The following LMO4 variants were observed in gnomAD, a reference collection of about 807,000 sequenced individuals.
LMO4 encodes the protein LIM domain transcription factor LMO4.
A neutral mutation model predicts 18.5 loss-of-function variants in LMO4; 3 were observed. The observed-to-expected ratio is 0.16, with a 90% CI of 0.07 to 0.42. The LOEUF is 0.42. Among genes scored for constraint, LMO4 ranks in the 10% least tolerant of loss-of-function variants. The pLI is 0.99. For missense variants in LMO4, 121 were observed against 219.9 expected, an observed-to-expected ratio of 0.55 and a Z score of 2.84; for synonymous variants, 100 against 88.1, an observed-to-expected ratio of 1.14 and a Z score of -0.76.
intron 4 of LMO4, among the ~76,000 whole-genome samples, chr1:87,342,943 GT>G (rs1311781419): frequency 2.6e-5 from 4 of 152,102 alleles, no homozygotes; most frequent in Non-Finnish European, 5.9e-5. Context: ...AAATGGCTTC[GT>G]TTTATTATTT....
At chr1:87,337,749 C>T (rs1048606586) in intron 2 of LMO4, among the ~76,000 whole-genome samples, 1 of 152,198 alleles carries the variant, frequency 6.6e-6, no homozygotes, top group Non-Finnish European at 1.5e-5. Context: ...CTCTGGCTAC[C>T]TTCCCCTTCT....
At position 87,346,270 on chromosome 1, in the gene LMO4, C is replaced by T. The variant is rs1448382900; in HGVS notation, c.*1474C>T. ...GAGATACTGAGTTGCTGGTTGCAGG[C>T]AGCAGAGTGTCCACCACAGTGCCTG... On this transcript the variant is annotated 3_prime_UTR_variant, in exon 5 of 5. Transcript: ENST00000370544. The T allele has an allele frequency of 6.6e-6, 1 of 152,212 alleles. No homozygotes were observed. The highest frequency in any genetic ancestry group is 1.5e-5 in the Non-Finnish European group (1 of 68,056). 9.4% of individuals were successfully genotyped at this position (152,212 alleles called of 1,614,324 possible).
chr1:87,342,342 T>G (rs1443609035), intron 4 of LMO4, among the ~76,000 whole-genome samples: 2 of 152,132 alleles, frequency 1.3e-5, no homozygotes, highest in Non-Finnish European at 2.9e-5. Context: ...TTAGAGGTGT[T>G]AGGGAGGAGA....
Position 87,332,178 on chromosome 1 carries a change from G to A in LMO4, c.163G>A (p.Ala55Thr). 6.2e-7 allele frequency: 1 copy of A among 1,614,256 alleles called. No individual in the cohort carries two copies. The highest frequency in any genetic ancestry group is 8.5e-7 in the Non-Finnish European group (1 of 1,180,046). ...GTGCCTCAAGTGCTCCTGCTGCCAG[G>A]CGCAGCTGGGCGACATCGGCACGTC... ...SRCLKCSCCQ[A>T]QLGDIGTSCY... Residue 55 changes from alanine to threonine, a missense_variant, in exon 2 of 5, where the codon GCG becomes ACG. Physicochemically the swap from Ala to Thr is moderately conservative, Grantham distance 58 (BLOSUM62 0). Transcript: ENST00000370544.
At chr1:87,331,850 T>TAGA in intron 1 of LMO4, 163 bp from the exon 2 acceptor site, 14 of 596,214 alleles carry the variant, frequency 2.3e-5, no homozygotes, top group South Asian at 6.5e-5. Context: ...GCCTCCCTTC[T>TAGA]TCCCTCTCCC....
chr1:87,330,274 T>A (rs900391814), intron 1 of LMO4, among the ~76,000 whole-genome samples: 1 of 152,030 alleles, frequency 6.6e-6, no homozygotes, highest in African/African-American at 2.4e-5. Flanking sequence ...CCTCCCTCAC[T>A]CTCCTTTTAA....
intron 1 of LMO4, among the ~76,000 whole-genome samples, chr1:87,329,511 AG>A (rs1650068022): frequency 7.2e-6 from 1 of 138,376 alleles, no homozygotes; most frequent in South Asian, 2.3e-4. Context: ...TGGGGACCGT[AG>A]AGGGGGTGGG....
In LMO4 at chr1:87,330,004, CTTTTTTTTTTT is replaced by C. The variant is rs895271767; in HGVS notation, c.-4+768_-4+778del. On this transcript the variant is annotated intron_variant, in intron 1 of 4. Transcript: ENST00000370544. Reference sequence around the variant, plus strand: ...TAAGCCTATTTAACTTAAAAGCTTTCTTTTTTTTTTTTTTTTTTCCAACTCTAAATGAAACT... The same window carrying C: ...TAAGCCTATTTAACTTAAAAGCTTTCTTTTTTTCCAACTCTAAATGAAACT... 5.5e-5 allele frequency among the ~76,000 whole-genome samples: 7 copies of C among 127,224 alleles called. No individual in the cohort carries two copies. In the Admixed American group the frequency reaches 5.5e-4, roughly 10 times the overall value. The allele number at this position is 127,224 out of a possible 152,430, so 83.5% of individuals were successfully genotyped here.
At chr1:87,339,660 T>A (rs3737678) in intron 3 of LMO4, 28 bp downstream of exon 3, 55,711 of 1,237,468 alleles carry the variant, frequency 0.045, 2,051 homozygotes, top group East Asian at 0.22. Flanking sequence ...CTTTTTTTTT[T>A]AAAAAAAAAA....
At chr1:87,335,035 G>T (rs1349366303) in intron 2 of LMO4, among the ~76,000 whole-genome samples, 1 of 123,904 alleles carries the variant, frequency 8.1e-6, no homozygotes, top group Non-Finnish European at 1.6e-5. Context: ...GGGAAAGAAT[G>T]AAGGGGGGGG....
chr1:87,329,825 C>T (rs1012287928), intron 1 of LMO4, among the ~76,000 whole-genome samples: 1 of 152,112 alleles, frequency 6.6e-6, no homozygotes, highest in Non-Finnish European at 1.5e-5. Flanking sequence ...CTACAAATTG[C>T]CAGCGTTACG....
At chr1:87,335,771 G>A (rs1231908953) in intron 2 of LMO4, among the ~76,000 whole-genome samples, 1 of 151,954 alleles carries the variant, frequency 6.6e-6, no homozygotes, top group Non-Finnish European at 1.5e-5. Flanking sequence ...TTTTCCAATA[G>A]GACGTGCTAG....
chr1:87,348,499 T>C lies in LMO4; in HGVS notation c.*3703T>C. 1 of 322,096 alleles carries C rather than the reference T, an allele frequency of 3.1e-6. No homozygotes were observed. Among genetic ancestry groups the C allele is most frequent in the African/African-American group, 2.1e-5 (1 of 46,564 alleles). The allele number at this position is 322,096 out of a possible 1,614,324, so 20.0% of individuals were successfully genotyped here. On this transcript the variant is annotated 3_prime_UTR_variant, in exon 5 of 5. Transcript: ENST00000370544. ...CTGAGCAGCCATTTTAGATTGGCAG[T>C]GCTCTGAACGCATGTTAAACAGCCA...
At chr1:87,339,957 G>C in intron 3 of LMO4, 90 bp from the exon 4 acceptor site, 1 of 1,385,124 alleles carries the variant, frequency 7.2e-7, no homozygotes, top group Non-Finnish European at 1.0e-6. Flanking sequence ...GTACTTGACA[G>C]ATACCTGCTT....
intron 2 of LMO4, among the ~76,000 whole-genome samples, chr1:87,333,953 A>C (rs1225219998): frequency 3.9e-5 from 6 of 151,986 alleles, no homozygotes; most frequent in Admixed American, 6.5e-5. Flanking sequence ...AAAAAAAAAA[A>C]AACAAAAAAC....
intron 4 of LMO4, among the ~76,000 whole-genome samples, chr1:87,343,184 T>C (rs994597935): frequency 6.6e-6 from 1 of 152,228 alleles, no homozygotes; most frequent in Non-Finnish European, 1.5e-5. Flanking sequence ...TTTAAACTTT[T>C]ATTCTGAGAT....
intron 4 of LMO4, among the ~76,000 whole-genome samples, chr1:87,343,592 T>C (rs76894066): frequency 0.029 from 4,351 of 152,254 alleles, 217 homozygotes; most frequent in African/African-American, 0.1. Context: ...GGAGGAAAAT[T>C]TAGTGAGTGT....
chr1:87,339,368 G>A (rs1193208555), intron 2 of LMO4, among the ~76,000 whole-genome samples, 168 bp from the exon 3 acceptor site: 2 of 152,162 alleles, frequency 1.3e-5, no homozygotes, highest in African/African-American at 4.8e-5. Context: ...CCCACAAAAA[G>A]GATTTTTCCC....
chr1:87,341,057 C>G (rs1251979339), intron 4 of LMO4, among the ~76,000 whole-genome samples: 1 of 152,186 alleles, frequency 6.6e-6, no homozygotes, highest in Non-Finnish European at 1.5e-5. Flanking sequence ...TTGATAACTG[C>G]TGTGCCTAAT....
Sources: gnomAD v4.1 joint callset for allele counts (sites outside exome capture counted in the v4.1 genomes callset) on GRCh38, gnomAD v4.1.1 for gene constraint, MANE v1.5 for transcripts, NCBI Gene and HGNC (gene_info 2026-07-23, HGNC 2026-07-21) for gene names.